Variants in SPRY3 observed in about 807,000 individuals in gnomAD.
The protein encoded by SPRY3 is protein sprouty homolog 3.
In SPRY3, 15 loss-of-function variants were observed where a neutral mutation model predicts 20.2. That is an observed-to-expected ratio of 0.74 (90% CI 0.50 to 1.14). SPRY3 has a LOEUF of 1.14. Among genes scored for constraint, SPRY3 ranks in the 50% most tolerant of loss-of-function variants. The pLI is 0.00. For synonymous variants in SPRY3, 143 were observed against 136.5 expected (o/e 1.05, Z -0.33); for missense variants, 364 against 363.9 (o/e 1.00, Z 0.00).
intron 2 of SPRY3, among the ~76,000 whole-genome samples, chrX:155,680,297 AG>A (rs2068070805): frequency 9.2e-6 from 1 of 108,623 alleles, no homozygotes; most frequent in Admixed American, 1.0e-4. Flanking sequence ...ACTAGTATAT[AG>A]GAGGCCAAGA....
Position 155,773,309 on chromosome X carries a change from TATATATATA to T in SPRY3, c.-106-456_-106-448del, listed in dbSNP as rs2091394256. Among the ~76,000 whole-genome samples, 168 of 134,140 alleles carry T rather than the reference TATATATATA, an allele frequency of 1.3e-3. 1 individual carries two copies. Among genetic ancestry groups the T allele is most frequent in the African/African-American group, 4.2e-3 (150 of 35,392 alleles). 88.0% of individuals were successfully genotyped at this position (134,140 alleles called of 152,430 possible). A position where few individuals can be genotyped will look rare whatever the true frequency, so the allele number is the denominator to read the frequency against. ...CACTGAAAAGATAATTTTGATTGGA[TATATATATA>T]TATATATATATATATATATATATGA... is the stretch of plus-strand genomic sequence containing the variant. On this transcript the variant is annotated intron_variant, in intron 3 of 3. Coordinates refer to ENST00000675360, the Ensembl canonical transcript of SPRY3.
At chrX:155,777,601 TGTGA>T (rs2091435402), downstream of SPRY3, 1 of 39,294 alleles carries the variant, frequency 2.5e-5, no homozygotes, top group African/African-American at 3.6e-4. Flanking sequence ...CGCATGGACG[TGTGA>T]GTGAGTGTGC....
chrX:155,771,743 G>A (rs1403279040), intron 3 of SPRY3, among the ~76,000 whole-genome samples: 1 of 152,104 alleles, frequency 6.6e-6, no homozygotes, highest in Non-Finnish European at 1.5e-5. Context: ...AATCTATAAA[G>A]ATACAGCAAA....
At chrX:155,683,071 A>G (rs2068078277) in intron 2 of SPRY3, among the ~76,000 whole-genome samples, 2 of 112,101 alleles carry the variant, frequency 1.8e-5, no homozygotes, top group Admixed American at 1.9e-4. Context: ...AGTTGCTTCT[A>G]ATGAATGAAA....
intron 2 of SPRY3, among the ~76,000 whole-genome samples, chrX:155,670,636 G>A (rs1165489181): frequency 2.7e-5 from 3 of 111,720 alleles, no homozygotes; most frequent in African/African-American, 9.7e-5. Flanking sequence ...TTTCTTTATT[G>A]TTTTAAAAAT....
intron 1 of SPRY3, among the ~76,000 whole-genome samples, chrX:155,645,410 G>T (rs1344500709): frequency 2.7e-5 from 3 of 111,720 alleles, no homozygotes; most frequent in African/African-American, 6.5e-5. Flanking sequence ...TTGTGGCCTA[G>T]GTGACCTTTC....
At position 155,715,163 on chromosome X, in the gene SPRY3, C is replaced by A. The variant is rs183652689; in HGVS notation, c.-281-52799C>A. Among the ~76,000 whole-genome samples, 737 of 152,188 alleles carry A rather than the reference C, an allele frequency of 4.8e-3. 3 individuals carry two copies. The highest frequency in any genetic ancestry group is 8.8e-3 in the Non-Finnish European group (597 of 68,022). ...AAACAGAAGGAGTCTTTCACTATAG[C>A]CACCACAGCTGGGAATGTGCTGGGT... is the stretch of plus-strand genomic sequence containing the variant. On this transcript the variant is annotated intron_variant, in intron 2 of 3. Coordinates refer to ENST00000675360, the Ensembl canonical transcript of SPRY3.
chrX:155,628,548 G>T (rs1171612731), intron 1 of SPRY3, among the ~76,000 whole-genome samples: 1 of 111,986 alleles, frequency 8.9e-6, no homozygotes, highest in Non-Finnish European at 1.9e-5. Flanking sequence ...AGATATTTAC[G>T]TGGCCAACAA....
chrX:155,767,358 A>T (rs1354535520), intron 2 of SPRY3, among the ~76,000 whole-genome samples: 1 of 152,086 alleles, frequency 6.6e-6, no homozygotes. Context: ...TAAGCTGAAC[A>T]CACTGCCAAC....
intron 2 of SPRY3, among the ~76,000 whole-genome samples, chrX:155,662,112 A>G (rs186635936): frequency 1.1e-4 from 12 of 111,646 alleles, no homozygotes; most frequent in Non-Finnish European, 2.1e-4. Flanking sequence ...GAAACACTTC[A>G]TTTTTTATAC....
chrX:155,774,990 T>G, exon 4 of SPRY3: 1 of 581,224 alleles, frequency 1.7e-6, no homozygotes. Flanking sequence ...CATGGCAAAT[T>G]CAGGTGATAT....
At chrX:155,719,119 A>G (rs1215361698) in intron 2 of SPRY3, among the ~76,000 whole-genome samples, 1 of 152,160 alleles carries the variant, frequency 6.6e-6, no homozygotes, top group Non-Finnish European at 1.5e-5. Flanking sequence ...GCAGCTATTA[A>G]TAGCTGCAGC....
chrX:155,668,545 T>C (rs782689854), intron 2 of SPRY3, among the ~76,000 whole-genome samples: 28 of 110,847 alleles, frequency 2.5e-4, no homozygotes, highest in African/African-American at 8.8e-4. Context: ...ACACTTAAGA[T>C]TACTGTTCTT....
intron 2 of SPRY3, among the ~76,000 whole-genome samples, chrX:155,730,789 G>C (rs1048859617): frequency 6.6e-6 from 1 of 151,886 alleles, no homozygotes; most frequent in Non-Finnish European, 1.5e-5. Flanking sequence ...AAACCTATTG[G>C]AACTGATCAA....
At chrX:155,653,615 T>C (rs937390998) in intron 1 of SPRY3, among the ~76,000 whole-genome samples, 8 of 112,079 alleles carry the variant, frequency 7.1e-5, no homozygotes, top group Non-Finnish European at 1.3e-4. Context: ...TGCCATTGTC[T>C]ATCCTTATGC....
At chrX:155,782,213 G>C (rs1208069219) in exon 2 of SPRY3, 1 of 167,000 alleles carries the variant, frequency 6.0e-6, no homozygotes, top group African/African-American at 2.4e-5. Flanking sequence ...ATGGAGGAAA[G>C]GGGCTTTCTG....
At chrX:155,617,106 C>G (rs1255275200) in intron 1 of SPRY3, among the ~76,000 whole-genome samples, 1 of 105,508 alleles carries the variant, frequency 9.5e-6, no homozygotes, top group Non-Finnish European at 1.9e-5. Flanking sequence ...CCTCTCACTG[C>G]AACCTCCCTC....
downstream of SPRY3, chrX:155,776,801 T>C (rs1419807238): frequency 6.0e-6 from 1 of 167,064 alleles, no homozygotes; most frequent in Non-Finnish European, 1.5e-5. Context: ...TACAGAAATA[T>C]GTGCCACTCA....
intron 2 of SPRY3, among the ~76,000 whole-genome samples, chrX:155,720,839 G>A (rs945019668): frequency 1.5e-4 from 23 of 152,266 alleles, no homozygotes; most frequent in Admixed American, 1.5e-3. Context: ...CTCAGATTGT[G>A]AAGACTACAA....
Sources: gnomAD v4.1 joint callset for allele counts (sites outside exome capture counted in the v4.1 genomes callset) on GRCh38, gnomAD v4.1.1 for gene constraint, MANE v1.5 for transcripts, NCBI Gene and HGNC (gene_info 2026-07-23, HGNC 2026-07-21) for gene names.